WIPF1: variants seen among roughly 807,000 people sequenced by gnomAD.
WIPF1 encodes the protein WAS/WASL interacting protein family member 1.
Under a neutral mutation model 35.4 loss-of-function variants are expected in WIPF1, and 13 were observed. The ratio of observed to expected loss-of-function variants is 0.37; its 90% confidence interval spans 0.24 to 0.58. The LOEUF (loss-of-function observed/expected upper bound fraction) is 0.58, where lower values mean the gene tolerates loss of function less well. WIPF1 is among the 20% of genes least tolerant of loss of function. The probability of loss-of-function intolerance (pLI) is 0.74; values close to 1 mark genes in which losing one functional copy is unlikely to be tolerated. For synonymous variants in WIPF1, 267 were observed against 266.3 expected, an observed-to-expected ratio of 1.00 and a Z score of -0.02; for missense variants, 591 against 667.0, an observed-to-expected ratio of 0.89 and a Z score of 1.25.
At chr2:174,579,852 C>T (rs1183549619) in intron 3 of WIPF1, among the ~76,000 whole-genome samples, 4 of 152,108 alleles carry the variant, frequency 2.6e-5, no homozygotes, top group Non-Finnish European at 5.9e-5. Context: ...TATTGGAGGG[C>T]TTGGAGGGCT....
chr2:174,597,205 C>T (rs1264679018), intron 1 of WIPF1, among the ~76,000 whole-genome samples: 6 of 152,206 alleles, frequency 3.9e-5, no homozygotes, highest in Admixed American at 2.0e-4. Context: ...TCCAATGGCT[C>T]CTTGTACTTT....
chr2:174,661,407 CCTCT>C (rs757216171), intron 1 of WIPF1, among the ~76,000 whole-genome samples: 5 of 152,042 alleles, frequency 3.3e-5, no homozygotes, highest in South Asian at 2.1e-4. Context: ...AGCCACACTC[CCTCT>C]CTCTCTTTTC....
At chr2:174,618,014 G>A (rs1686563820) in intron 1 of WIPF1, among the ~76,000 whole-genome samples, 1 of 152,224 alleles carries the variant, frequency 6.6e-6, no homozygotes, top group Non-Finnish European at 1.5e-5. Context: ...GCTTTGAAAA[G>A]GAATCGAATT....
intron 1 of WIPF1, among the ~76,000 whole-genome samples, chr2:174,606,266 G>GT (rs1686161029): frequency 6.6e-6 from 1 of 152,110 alleles, no homozygotes; most frequent in Admixed American, 6.5e-5. Context: ...AGGTGAGATT[G>GT]TAATATTTTC....
chr2:174,582,060 CA>C lies in WIPF1; in HGVS notation c.52-622del, dbSNP rs150578401. On this transcript the variant is annotated intron_variant, in intron 2 of 7. Coordinates refer to ENST00000679041, the MANE Select transcript of WIPF1 (RefSeq NM_001375834.1). Reference sequence around the variant, plus strand: ...CTCTATGAGTTTTGACAAACATATACAGTTGTGAAACCACCGTCACAATCAA... The same window carrying C: ...CTCTATGAGTTTTGACAAACATATACGTTGTGAAACCACCGTCACAATCAA... 9.5e-3 allele frequency among the ~76,000 whole-genome samples: 1,449 copies of C among 152,150 alleles called. 35 individuals are homozygous for C. The highest frequency in any genetic ancestry group is 0.025 in the South Asian group (121 of 4,818).
chr2:174,662,385 G>A (rs1687796628), intron 1 of WIPF1, among the ~76,000 whole-genome samples: 1 of 152,154 alleles, frequency 6.6e-6, no homozygotes. Flanking sequence ...GCCTGAATTC[G>A]TAACTCTTTC....
intron 2 of WIPF1, among the ~76,000 whole-genome samples, chr2:174,584,717 GC>G (rs1008887315): frequency 6.6e-6 from 1 of 151,034 alleles, no homozygotes; most frequent in Middle Eastern, 3.4e-3. Flanking sequence ...TTCAAGACAA[GC>G]CTGGCCAACA....
At chr2:174,620,674 G>A (rs1477564849) in intron 1 of WIPF1, among the ~76,000 whole-genome samples, 2 of 152,138 alleles carry the variant, frequency 1.3e-5, no homozygotes, top group South Asian at 2.1e-4. Flanking sequence ...AGTAAAAGGG[G>A]GCAGAGTACC....
chr2:174,629,836 C>T (rs928437665), intron 1 of WIPF1: 1 of 152,196 alleles, frequency 6.6e-6, no homozygotes. Context: ...TCTCTAAATG[C>T]TTCAAGGACG....
chr2:174,616,678 G>T (rs564262118), intron 1 of WIPF1, among the ~76,000 whole-genome samples: 1 of 152,304 alleles, frequency 6.6e-6, no homozygotes, highest in Non-Finnish European at 1.5e-5. Context: ...AAGCAATAAA[G>T]ACCATGTTTT....
chr2:174,618,698 T>A (rs974196020), intron 1 of WIPF1, among the ~76,000 whole-genome samples: 1 of 152,180 alleles, frequency 6.6e-6, no homozygotes, highest in South Asian at 2.1e-4. Context: ...AGTTAAGTTA[T>A]TTGACCAAGG....
intron 3 of WIPF1, among the ~76,000 whole-genome samples, chr2:174,576,604 T>A (rs1049680007): frequency 1.3e-5 from 2 of 152,196 alleles, no homozygotes; most frequent in Non-Finnish European, 2.9e-5. Context: ...TTTGAATTTA[T>A]CTGCAAAAAA....
chr2:174,647,729 A>T (rs1302266976), intron 1 of WIPF1, among the ~76,000 whole-genome samples: 1 of 152,154 alleles, frequency 6.6e-6, no homozygotes, highest in Non-Finnish European at 1.5e-5. Context: ...CTCATGGCTA[A>T]TGAGAAAATA....
At chr2:174,682,456 C>T (rs1207753064) in intron 1 of WIPF1, among the ~76,000 whole-genome samples, 1 of 152,186 alleles carries the variant, frequency 6.6e-6, no homozygotes, top group Non-Finnish European at 1.5e-5. Flanking sequence ...ACGGGGCGGC[C>T]CCGGGTCCGC....
At chr2:174,589,365 C>T (rs1685533573) in intron 1 of WIPF1, among the ~76,000 whole-genome samples, 1 of 152,248 alleles carries the variant, frequency 6.6e-6, no homozygotes, top group Admixed American at 6.5e-5. Flanking sequence ...AAAGAATCAG[C>T]CCTATTTCAG....
intron 1 of WIPF1, among the ~76,000 whole-genome samples, chr2:174,665,940 TTAAACTC>T (rs1687881892): frequency 6.6e-6 from 1 of 152,230 alleles, no homozygotes; most frequent in Non-Finnish European, 1.5e-5. Flanking sequence ...TTGCTGTTGT[TTAAACTC>T]TAACCCATAC....
At chr2:174,656,546 A>C (rs1020142901) in intron 1 of WIPF1, among the ~76,000 whole-genome samples, 16 of 152,230 alleles carry the variant, frequency 1.1e-4, no homozygotes, top group African/African-American at 3.6e-4. Flanking sequence ...CTTTGGTTTT[A>C]AGATATTCTC....
At chr2:174,607,406 A>AAAAAT (rs1053613038) in intron 1 of WIPF1, among the ~76,000 whole-genome samples, 1 of 152,148 alleles carries the variant, frequency 6.6e-6, no homozygotes, top group Admixed American at 6.5e-5. Context: ...CCATCTCAAA[A>AAAAAT]AAAATAAAAT....
intron 3 of WIPF1, 112 bp downstream of exon 3, chr2:174,581,198 A>C: frequency 6.9e-7 from 1 of 1,454,322 alleles, no homozygotes; most frequent in Non-Finnish European, 9.2e-7. Context: ...CTAGCTTTGC[A>C]GCTGTTGTTA....
Sources: gnomAD v4.1 joint callset for allele counts (sites outside exome capture counted in the v4.1 genomes callset) on GRCh38, gnomAD v4.1.1 for gene constraint, MANE v1.5 for transcripts, NCBI Gene and HGNC (gene_info 2026-07-23, HGNC 2026-07-21) for gene names.